Variants in MGAT4C observed in about 807,000 individuals in gnomAD.
MGAT4C encodes the protein MGAT4 family member C, also known as alpha-1,3-mannosyl-glycoprotein 4-beta-N-acetylglucosaminyltransferase C.
In MGAT4C, 19 loss-of-function variants were observed where a neutral mutation model predicts 40.1. That is an observed-to-expected ratio of 0.47 (90% CI 0.33 to 0.70). MGAT4C has a LOEUF of 0.70. Among genes scored for constraint, MGAT4C ranks in the 30% least tolerant of loss-of-function variants. The pLI, the probability that MGAT4C is intolerant of heterozygous loss-of-function variation, is 0.02. For missense variants in MGAT4C, 491 were observed against 563.2 expected (o/e 0.87, Z 1.30); for synonymous variants, 181 against 187.1 (o/e 0.97, Z 0.27).
chr12:86,053,179 T>TA (rs780783092), intron 1 of MGAT4C, among the ~76,000 whole-genome samples: 4 of 151,584 alleles, frequency 2.6e-5, no homozygotes, highest in Non-Finnish European at 2.9e-5. Flanking sequence ...TTTTTTTTTT[T>TA]AACATAAATA....
intron 2 of MGAT4C, among the ~76,000 whole-genome samples, chr12:86,661,915 C>A (rs893407429): frequency 3.3e-5 from 5 of 152,024 alleles, no homozygotes; most frequent in African/African-American, 9.7e-5. Flanking sequence ...CCAGCCAGGG[C>A]AACAGAGGAA....
intron 1 of MGAT4C, among the ~76,000 whole-genome samples, chr12:86,224,722 A>G (rs1951012632): frequency 6.6e-6 from 1 of 152,234 alleles, no homozygotes; most frequent in Non-Finnish European, 1.5e-5. Flanking sequence ...TAAAGAAATT[A>G]AGCAGAAAAT....
At chr12:86,224,410 A>C (rs1277261125) in intron 1 of MGAT4C, among the ~76,000 whole-genome samples, 4 of 152,142 alleles carry the variant, frequency 2.6e-5, no homozygotes, top group Non-Finnish European at 5.9e-5. Context: ...CAGGAAAATC[A>C]ATGAAAAAAA....
chr12:86,672,448 T>A (rs938301484), intron 2 of MGAT4C, among the ~76,000 whole-genome samples: 2 of 151,816 alleles, frequency 1.3e-5, no homozygotes, highest in African/African-American at 4.8e-5. Context: ...ATAAATGAAA[T>A]TGAAGTGAAG....
intron 1 of MGAT4C, among the ~76,000 whole-genome samples, chr12:86,793,672 T>G (rs1952064905): frequency 2.0e-5 from 3 of 152,008 alleles, no homozygotes; most frequent in Admixed American, 2.0e-4. Context: ...TAATAGTATA[T>G]TTGTTTCTAT....
intron 1 of MGAT4C, among the ~76,000 whole-genome samples, chr12:86,224,416 A>G (rs1453766912): frequency 1.3e-5 from 2 of 152,218 alleles, no homozygotes; most frequent in Non-Finnish European, 2.9e-5. Context: ...AATCAATGAA[A>G]AAAAAGGGAT....
At chr12:86,662,968 T>A (rs1229915821) in intron 2 of MGAT4C, among the ~76,000 whole-genome samples, 1 of 152,182 alleles carries the variant, frequency 6.6e-6, no homozygotes, top group African/African-American at 2.4e-5. Context: ...GTTAAAGTAA[T>A]TTCCATGCTG....
chr12:86,719,021 T>C (rs1389161079), intron 2 of MGAT4C, among the ~76,000 whole-genome samples: 1 of 152,142 alleles, frequency 6.6e-6, no homozygotes, highest in Non-Finnish European at 1.5e-5. Flanking sequence ...TGAACAAATG[T>C]TTCTCTAAAG....
At chr12:86,270,513 A>G (rs1052176150) in intron 4 of MGAT4C, among the ~76,000 whole-genome samples, 1 of 152,016 alleles carries the variant, frequency 6.6e-6, no homozygotes, top group Admixed American at 6.5e-5. Flanking sequence ...AAAATCATAC[A>G]ATGTTTGTTC....
intron 3 of MGAT4C, among the ~76,000 whole-genome samples, chr12:86,346,536 C>A (rs1453707921): frequency 6.6e-6 from 1 of 152,010 alleles, no homozygotes; most frequent in Non-Finnish European, 1.5e-5. Flanking sequence ...ATAGTTTGTT[C>A]TTTGAAGTTA....
chr12:86,645,125 GT>G (rs1482027563), intron 2 of MGAT4C, among the ~76,000 whole-genome samples: 4 of 151,314 alleles, frequency 2.6e-5, no homozygotes, highest in African/African-American at 9.7e-5. Context: ...ATTTAAAATA[GT>G]CTGTGTTCAT....
At chr12:86,555,066 A>G (rs1481945716) in intron 2 of MGAT4C, among the ~76,000 whole-genome samples, 1 of 151,354 alleles carries the variant, frequency 6.6e-6, no homozygotes, top group African/African-American at 2.4e-5. Context: ...TTCATCTGAC[A>G]CTCCTGCCTC....
At chr12:86,811,556 G>T (rs1021518997) in intron 1 of MGAT4C, among the ~76,000 whole-genome samples, 4 of 150,794 alleles carry the variant, frequency 2.7e-5, no homozygotes, top group Admixed American at 1.3e-4. Context: ...TGGCCAGGCT[G>T]GTCTTGAACT....
At chr12:86,447,549 T>C (rs1010119523) in intron 2 of MGAT4C, among the ~76,000 whole-genome samples, 4 of 152,150 alleles carry the variant, frequency 2.6e-5, no homozygotes, top group Non-Finnish European at 5.9e-5. Flanking sequence ...AGTACCAGTT[T>C]TTTTTTAACT....
chr12:86,018,674 G>C (rs1387686882), intron 2 of MGAT4C, among the ~76,000 whole-genome samples: 1 of 152,002 alleles, frequency 6.6e-6, no homozygotes, highest in Non-Finnish European at 1.5e-5. Context: ...TAATTGTTTT[G>C]CTGTTTCATA....
chr12:86,189,389 G>GT (rs1889120063), intron 1 of MGAT4C, among the ~76,000 whole-genome samples: 1 of 151,776 alleles, frequency 6.6e-6, no homozygotes, highest in African/African-American at 2.4e-5. Context: ...TCATAGTACA[G>GT]TAGCAGCCTC....
intron 2 of MGAT4C, among the ~76,000 whole-genome samples, chr12:86,641,129 A>T (rs894826874): frequency 1.3e-5 from 2 of 151,824 alleles, no homozygotes; most frequent in African/African-American, 4.8e-5. Flanking sequence ...CAAATGTCCA[A>T]CAATGATAGA....
intron 2 of MGAT4C, among the ~76,000 whole-genome samples, chr12:86,655,043 CT>C (rs887495528): frequency 2.6e-5 from 4 of 150,992 alleles, no homozygotes; most frequent in African/African-American, 7.3e-5. Context: ...CTATGCAGTT[CT>C]TTTTTTTTAT....
chr12:86,538,859 G>A lies in MGAT4C; in HGVS notation c.-228-103594C>T, dbSNP rs541159189. Among the ~76,000 whole-genome samples, 10 of 151,948 alleles carry A rather than the reference G, an allele frequency of 6.6e-5. No homozygotes were observed. The South Asian group carries it at 8.3e-4, about 13-fold the overall frequency. On this transcript the variant is annotated intron_variant, in intron 2 of 7. Coordinates refer to the MGAT4C transcript ENST00000548651. Reference sequence around the variant, plus strand: ...TCTGACCTCCTGATCTGCCCGCCTCGGTCTCCCAAAGTACTGGGATTACAG... The same window carrying A: ...TCTGACCTCCTGATCTGCCCGCCTCAGTCTCCCAAAGTACTGGGATTACAG...
Sources: allele counts gnomAD v4.1 joint callset (sites outside exome capture counted in the v4.1 genomes callset), GRCh38; gene constraint gnomAD v4.1.1; transcripts MANE v1.5; gene names NCBI Gene and HGNC (gene_info 2026-07-23, HGNC 2026-07-21).